The following PTPRS variants were observed in gnomAD, a reference collection of about 807,000 sequenced individuals.
PTPRS encodes receptor-type tyrosine-protein phosphatase S.
Under a neutral mutation model 215.3 loss-of-function variants are expected in PTPRS, and 63 were observed. The observed-to-expected ratio is 0.29, with a 90% confidence interval of 0.24 to 0.36. The LOEUF is 0.36. PTPRS is among the 10% of genes least tolerant of loss of function. The pLI is 1.00. For missense variants in PTPRS, 2,258 were observed against 2,825.8 expected, an observed-to-expected ratio of 0.80 and a Z score of 4.56; for synonymous variants, 1,404 against 1,191.4, an observed-to-expected ratio of 1.18 and a Z score of -3.68.
chr19:5,327,943 T>C (rs2050214253), intron 1 of PTPRS, among the ~76,000 whole-genome samples: 1 of 152,044 alleles, frequency 6.6e-6, no homozygotes, highest in African/African-American at 2.4e-5. Context: ...CACTGTACAC[T>C]TTCTGGGGGT....
intron 1 of PTPRS, among the ~76,000 whole-genome samples, chr19:5,326,721 AG>A (rs1463605246): frequency 6.6e-6 from 1 of 150,632 alleles, no homozygotes; most frequent in Non-Finnish European, 1.5e-5. Context: ...AACGAAGAAA[AG>A]AAAGGAAGAG....
intron 26 of PTPRS, among the ~76,000 whole-genome samples, chr19:5,215,926 C>T (rs191208516): frequency 4.6e-4 from 70 of 152,158 alleles, no homozygotes; most frequent in African/African-American, 1.5e-3. Context: ...AGGGTCACCC[C>T]AGAGGATGTC....
rs750960572 is a variant in PTPRS at position 5,244,192 on chromosome 19, C to T, written c.1279G>A (p.Ala427Thr). The T allele has an allele frequency of 1.2e-6, 2 of 1,602,040 alleles. No homozygotes were observed. Among genetic ancestry groups the T allele is most frequent in the African/African-American group, 1.3e-5 (1 of 74,842 alleles). The change falls in exon 11 of 38, where the codon GCC becomes ACC. Residue 427 changes from alanine (A) to threonine (T), a missense_variant. Transcript: ENST00000262963. The surrounding 1 kb of genome is among the most constrained non-coding windows in gnomAD (Gnocchi z 7.2). ...VVTRTGEQAPASAPRNVQARM... is the reference protein window; with the variant it reads ...VVTRTGEQAPTSAPRNVQARM... ...GCTTGCACGTTCCGCGGCGCGCTGG[C>T]CGGGGCCTGCTCGCCTGTGCGGGTG... is the stretch of plus-strand genomic sequence containing the variant.
At chr19:5,291,494 G>T (rs1568580420) in intron 1 of PTPRS, among the ~76,000 whole-genome samples, 1 of 152,038 alleles carries the variant, frequency 6.6e-6, no homozygotes, top group Non-Finnish European at 1.5e-5. Flanking sequence ...CAAGATCTGG[G>T]GGTACCCCTG....
intron 1 of PTPRS, among the ~76,000 whole-genome samples, chr19:5,336,285 C>T (rs1046735720): frequency 6.9e-6 from 1 of 145,678 alleles, no homozygotes; most frequent in African/African-American, 2.5e-5. Context: ...GGGGGGGAAA[C>T]CACACACTCC....
At chr19:5,335,383 C>T (rs1009966451) in intron 1 of PTPRS, among the ~76,000 whole-genome samples, 1 of 152,224 alleles carries the variant, frequency 6.6e-6, no homozygotes, top group Admixed American at 6.5e-5. Flanking sequence ...GTTTGCACAG[C>T]TCAAGTGAGG....
rs1279781936 is a variant in PTPRS at position 5,293,305 on chromosome 19, G to C, written c.-94-7071C>G. ...TGGGGGCGGGGCAAGGGGCGGGGCTGTAGGGGGCGGGGTTGCAGTGGGCGG... is the reference window on the plus strand; with the variant it reads ...TGGGGGCGGGGCAAGGGGCGGGGCTCTAGGGGGCGGGGTTGCAGTGGGCGG... On this transcript the variant is annotated intron_variant, in intron 1 of 37. Coordinates refer to ENST00000262963, the MANE Select transcript of PTPRS (RefSeq NM_002850.4). The surrounding 1 kb of genome is among the most constrained non-coding windows in gnomAD (Gnocchi z 8.4). 1 of 149,132 alleles carries C rather than the reference G, an allele frequency of 6.7e-6. No individual in the cohort carries two copies. The allele number at this position is 149,132 out of a possible 1,614,324, so 9.2% of individuals were successfully genotyped here. A position where few individuals can be genotyped will look rare whatever the true frequency, so the allele number is the denominator to read the frequency against.
At chr19:5,268,368 A>G (rs564127958) in intron 4 of PTPRS, among the ~76,000 whole-genome samples, 142 of 152,096 alleles carry the variant, frequency 9.3e-4, no homozygotes, top group African/African-American at 3.1e-3. Context: ...TTCCTGGCGT[A>G]GACAATGTTT....
intron 1 of PTPRS, among the ~76,000 whole-genome samples, chr19:5,308,698 T>C (rs2049584751): frequency 6.6e-6 from 1 of 151,582 alleles, no homozygotes; most frequent in Non-Finnish European, 1.5e-5. Flanking sequence ...GCCTTGGGGG[T>C]AGGGGAACTG....
intron 1 of PTPRS, among the ~76,000 whole-genome samples, chr19:5,311,170 G>A (rs1350414545): frequency 6.6e-6 from 1 of 152,032 alleles, no homozygotes; most frequent in Non-Finnish European, 1.5e-5. Flanking sequence ...GAGCCACTGT[G>A]CCCAGCCTTT....
chr19:5,231,485 C>T lies in PTPRS; in HGVS notation c.1980G>A (p.Pro660=), dbSNP rs201293911. The change falls in exon 14 of 38, where the codon CCG becomes CCA. Residue 660 remains proline, a synonymous_variant. Coordinates refer to ENST00000262963, the MANE Select transcript of PTPRS (RefSeq NM_002850.4). ...ALVGYSVRYR[P]LGSEDPEPKE... is the part of the protein sequence containing the mutation. ...TGGGTTCCGGGTCCTCTGAGCCCAG[C>T]GGTCGGTAGCGGACGCTGTAGCCCA... 3.3e-5 allele frequency: 54 copies of T among 1,612,638 alleles called. No individual in the cohort carries two copies. Among genetic ancestry groups the T allele is most frequent in the African/African-American group, 1.2e-4 (9 of 74,820 alleles).
chr19:5,250,862 G>C (rs944873945), intron 9 of PTPRS: 6 of 147,162 alleles, frequency 4.1e-5, no homozygotes, highest in African/African-American at 1.5e-4. Context: ...GAGGTGATCT[G>C]GTTGAAGCAC....
chr19:5,263,159 G>A (rs893548703), intron 5 of PTPRS, among the ~76,000 whole-genome samples, 187 bp from the exon 6 acceptor site: 5 of 152,234 alleles, frequency 3.3e-5, no homozygotes, highest in African/African-American at 1.2e-4. Flanking sequence ...GCAGGCGCTA[G>A]ACATTCCATC....
At chr19:5,336,144 C>A (rs921782253) in intron 1 of PTPRS, among the ~76,000 whole-genome samples, 9 of 151,934 alleles carry the variant, frequency 5.9e-5, no homozygotes, top group Non-Finnish European at 1.2e-4. Context: ...AAATTCCCCA[C>A]ACACAACCCC....
chr19:5,276,798 T>C (rs1426822420), intron 2 of PTPRS, among the ~76,000 whole-genome samples: 1 of 152,126 alleles, frequency 6.6e-6, no homozygotes, highest in Non-Finnish European at 1.5e-5. Context: ...CGCCTCAGTC[T>C]CCCAAAGTGC....
rs139664623 is a variant in PTPRS at position 5,240,154 on chromosome 19, G to A, written c.1704+45C>T. 866 of 1,463,314 alleles carry A rather than the reference G, an allele frequency of 5.9e-4. 5 individuals are homozygous for A. The African/African-American group carries it at 7.4e-3, about 12-fold the overall frequency. 90.6% of individuals were successfully genotyped at this position (1,463,314 alleles called of 1,614,324 possible). A position where few individuals can be genotyped will look rare whatever the true frequency, so the allele number is the denominator to read the frequency against. ...AAGGCGGGCAGCGTCAGAGAGCGCC[G>A]GGGAGGAGCCCAGGGCAGGCCAGCC... On this transcript the variant is annotated intron_variant, in intron 12 of 37. Transcript: ENST00000262963.
intron 1 of PTPRS, among the ~76,000 whole-genome samples, chr19:5,297,777 CTTTCT>C (rs777404917): frequency 3.3e-4 from 48 of 147,424 alleles, no homozygotes; most frequent in African/African-American, 1.0e-3. Flanking sequence ...TCCTTCCAGT[CTTTCT>C]TTTCTTTTCT....
chr19:5,239,979 C>T (rs767230670), intron 12 of PTPRS, among the ~76,000 whole-genome samples: 14 of 151,730 alleles, frequency 9.2e-5, no homozygotes, highest in Non-Finnish European at 2.1e-4. Flanking sequence ...AGAGAGAGGC[C>T]GCCAGCAGCA....
At chr19:5,225,611 A>C in intron 17 of PTPRS, 116 bp downstream of exon 17, 1 of 924,612 alleles carries the variant, frequency 1.1e-6, no homozygotes, top group Non-Finnish European at 1.7e-6. Context: ...TCACTGTTCC[A>C]GCTGCCTGGT....
Sources: gnomAD v4.1 joint callset for allele counts (sites outside exome capture counted in the v4.1 genomes callset) on GRCh38, gnomAD v4.1.1 for gene constraint, Gnocchi (gnomAD v3.1) non-coding constraint, MANE v1.5 for transcripts, NCBI Gene and HGNC (gene_info 2026-07-23, HGNC 2026-07-21) for gene names.